SIGLEC6: variants seen among roughly 807,000 people sequenced by gnomAD.
The protein encoded by SIGLEC6 is sialic acid binding Ig like lectin 6, also known as sialic acid-binding Ig-like lectin 6.
In SIGLEC6, 31 loss-of-function variants were observed where a neutral mutation model predicts 41.4. The observed-to-expected ratio is 0.75, with a 90% CI of 0.56 to 1.01. The LOEUF (loss-of-function observed/expected upper bound fraction) is 1.01, where lower values mean the gene tolerates loss of function less well. SIGLEC6 is among the 50% of genes least tolerant of loss of function. SIGLEC6 has a pLI of 0.00. For missense variants in SIGLEC6, 555 were observed against 558.6 expected (o/e 0.99, Z 0.06); for synonymous variants, 217 against 231.0 (o/e 0.94, Z 0.55).
intron 7 of SIGLEC6, among the ~76,000 whole-genome samples, chr19:51,520,913 T>C (rs1244786168): frequency 6.6e-6 from 1 of 152,094 alleles, no homozygotes; most frequent in African/African-American, 2.4e-5. Flanking sequence ...GTGTAGGTCA[T>C]GTGACATGTG....
rs375924298 is a variant in SIGLEC6, at chr19:51,528,847, G to C, written c.1013-594C>G. Among the ~76,000 whole-genome samples, 9 of 151,970 alleles carry C rather than the reference G, an allele frequency of 5.9e-5. No individual in the cohort carries two copies. In the South Asian group the frequency reaches 8.3e-4, roughly 14 times the overall value. ...AATATAAAAATTAGCTGGGCATGGT[G>C]GTGGGCGCCTGTAGTGCCAGCTACT... On this transcript the variant is annotated intron_variant, in intron 5 of 7. Transcript: ENST00000425629.
At chr19:51,525,199 G>A (rs529471339) in intron 7 of SIGLEC6, among the ~76,000 whole-genome samples, 1 of 152,272 alleles carries the variant, frequency 6.6e-6, no homozygotes, top group East Asian at 1.9e-4. Flanking sequence ...GCTCGCCAGA[G>A]AAAGCCCACT....
chr19:51,518,243 G>A lies in SIGLEC6; in HGVS notation c.*1839C>T, dbSNP rs2122252113. ...CTAAAACAACATTTATTTCTCTTAA[G>A]CCATCAAAGACATCTTTCTATTGCA... On this transcript the variant is annotated 3_prime_UTR_variant, in exon 8 of 8. Coordinates refer to ENST00000425629, the MANE Select transcript of SIGLEC6 (RefSeq NM_001245.7). Among the ~76,000 whole-genome samples the A allele has an allele frequency of 6.6e-6, 1 of 152,204 alleles. No individual in the cohort carries two copies. The highest frequency in any genetic ancestry group is 2.4e-5 in the African/African-American group (1 of 41,498).
intron 5 of SIGLEC6, 164 bp downstream of exon 5, chr19:51,529,560 G>A (rs1002812467): frequency 1.3e-6 from 1 of 789,790 alleles, no homozygotes; most frequent in African/African-American, 1.7e-5. Flanking sequence ...GTGCAGGGAG[G>A]AGCCACTGCA....
intron 5 of SIGLEC6, chr19:51,528,458 C>G (rs1979614722): frequency 1.7e-6 from 1 of 588,448 alleles, no homozygotes; most frequent in East Asian, 2.8e-5. Flanking sequence ...CGTTGTGCCC[C>G]CAGCCACTCT....
chr19:51,526,899 C>T (rs1430751860), intron 7 of SIGLEC6, among the ~76,000 whole-genome samples: 1 of 152,108 alleles, frequency 6.6e-6, no homozygotes, highest in Admixed American at 6.5e-5. Context: ...AATTTCATAA[C>T]ACAATCAGAA....
intron 7 of SIGLEC6, among the ~76,000 whole-genome samples, chr19:51,523,518 A>G (rs981303810): frequency 6.6e-6 from 1 of 152,224 alleles, no homozygotes; most frequent in African/African-American, 2.4e-5. Flanking sequence ...GCATGTCATA[A>G]TCCTATTGCT....
intron 7 of SIGLEC6, among the ~76,000 whole-genome samples, chr19:51,523,784 G>C (rs1978712769): frequency 6.6e-6 from 1 of 152,242 alleles, no homozygotes; most frequent in African/African-American, 2.4e-5. Flanking sequence ...ACTTTGGGCG[G>C]CTGAGGCAGG....
intron 3 of SIGLEC6, 23 bp downstream of exon 3, chr19:51,530,658 G>C: frequency 6.2e-7 from 1 of 1,612,096 alleles, no homozygotes; most frequent in Non-Finnish European, 8.5e-7. Context: ...TCAGGGACCC[G>C]GGCGTCCTGG....
intron 7 of SIGLEC6, among the ~76,000 whole-genome samples, chr19:51,521,027 T>G (rs1324146678): frequency 6.6e-6 from 1 of 150,732 alleles, no homozygotes; most frequent in African/African-American, 2.4e-5. Flanking sequence ...AATCACTTTT[T>G]TAATTCATGA....
Position 51,530,734 on chromosome 19 carries a change from GT to G in SIGLEC6, c.652del (p.Thr218ArgfsTer7). 6.2e-7 allele frequency: 1 copy of G among 1,614,084 alleles called. No individual in the cohort carries two copies. Among genetic ancestry groups the G allele is most frequent in the Non-Finnish European group, 8.5e-7 (1 of 1,179,974 alleles). ...CATGGTCACACCGGCTCCAGGGAACGTCACCTGACAGGTGAGGTTGGTGCTG... is the reference window on the plus strand; with the variant it reads ...CATGGTCACACCGGCTCCAGGGAACGCACCTGACAGGTGAGGTTGGTGCTG... ...DHSTNLTCQV[T>X]FPGAGVTMER... On this transcript the variant is annotated frameshift_variant, in exon 3 of 8. Transcript: ENST00000425629. LOFTEE classifies it high-confidence loss of function.
intron 7 of SIGLEC6, among the ~76,000 whole-genome samples, chr19:51,521,051 G>A (rs1452302659): frequency 9.4e-6 from 1 of 106,430 alleles, no homozygotes; most frequent in Admixed American, 1.1e-4. Flanking sequence ...CAGATATTTT[G>A]AAATATAAAG....
intron 7 of SIGLEC6, among the ~76,000 whole-genome samples, chr19:51,527,318 T>G (rs1460108088): frequency 6.6e-6 from 1 of 152,168 alleles, no homozygotes; most frequent in East Asian, 1.9e-4. Context: ...GTAATAGTGA[T>G]GAGCAGTAAT....
chr19:51,530,672 A>G lies in SIGLEC6; in HGVS notation c.706+9T>C, dbSNP rs746297606. ...CTCAGGGACCCGGGCGTCCTGGCCCAGCACTCACAGGAGACATTGAGCTGG... is the reference window on the plus strand; with the variant it reads ...CTCAGGGACCCGGGCGTCCTGGCCCGGCACTCACAGGAGACATTGAGCTGG... On this transcript the variant is annotated intron_variant, in intron 3 of 7. Transcript: ENST00000425629. 2 of 1,612,896 alleles carry G rather than the reference A, an allele frequency of 1.2e-6. No homozygotes were observed. Among genetic ancestry groups the G allele is most frequent in the Non-Finnish European group, 1.7e-6 (2 of 1,179,640 alleles).
At chr19:51,523,928 C>G (rs1978753442) in intron 7 of SIGLEC6, among the ~76,000 whole-genome samples, 1 of 152,098 alleles carries the variant, frequency 6.6e-6, no homozygotes, top group Non-Finnish European at 1.5e-5. Flanking sequence ...GAGGCTGAGG[C>G]AGGAGAATGG....
chr19:51,523,759 G>A (rs1006391779), intron 7 of SIGLEC6, among the ~76,000 whole-genome samples: 36 of 152,214 alleles, frequency 2.4e-4, no homozygotes, highest in African/African-American at 8.4e-4. Flanking sequence ...AGTGGCTCAC[G>A]CCCGTAATCC....
rs10651662 is a variant in SIGLEC6 at position 51,519,296 on chromosome 19, GAAAA to G, written c.*782_*785del. On this transcript the variant is annotated 3_prime_UTR_variant, in exon 8 of 8. Coordinates refer to ENST00000425629, the MANE Select transcript of SIGLEC6 (RefSeq NM_001245.7). ...GGAGATACAGCAAGACTCCATCTCAGAAAAAAAAAAAAAAAAAAAAAGCTAGCCA... is the reference window on the plus strand; with the variant it reads ...GGAGATACAGCAAGACTCCATCTCAGAAAAAAAAAAAAAAAAAGCTAGCCA... 1.1e-5 allele frequency among the ~76,000 whole-genome samples: 1 copy of G among 90,748 alleles called. No individual in the cohort carries two copies. Among genetic ancestry groups the G allele is most frequent in the African/African-American group, 4.4e-5 (1 of 22,648 alleles). The allele number at this position is 90,748 out of a possible 152,430, so 59.5% of individuals were successfully genotyped here.
chr19:51,523,370 C>A (rs1341731969), intron 7 of SIGLEC6, among the ~76,000 whole-genome samples: 2 of 152,076 alleles, frequency 1.3e-5, no homozygotes, highest in Non-Finnish European at 2.9e-5. Flanking sequence ...ACAGGTGCAA[C>A]TGGGATCCCA....
chr19:51,531,368 A>G lies in SIGLEC6; in HGVS notation c.219T>C (p.Asp73=), dbSNP rs975778558. 6.2e-7 allele frequency: 1 copy of G among 1,614,038 alleles called. No homozygotes were observed. Among genetic ancestry groups the G allele is most frequent in the African/African-American group, 1.3e-5 (1 of 74,922 alleles). Residue 73 remains aspartate, a synonymous_variant, in exon 2 of 8, where the codon GAT becomes GAC. Transcript: ENST00000425629. ...GYGYWFLEGA[D]VPVATNDPDE... ...CTGGGTCGTTTGTGGCCACTGGAACATCAGCCCCTTCCAGGAACCAGTAGC... is the reference window on the plus strand; with the variant it reads ...CTGGGTCGTTTGTGGCCACTGGAACGTCAGCCCCTTCCAGGAACCAGTAGC...
Sources: allele counts gnomAD v4.1 joint callset (sites outside exome capture counted in the v4.1 genomes callset), GRCh38; gene constraint gnomAD v4.1.1; transcripts MANE v1.5; gene names NCBI Gene and HGNC (gene_info 2026-07-23, HGNC 2026-07-21).